FAM81A: variants seen among roughly 807,000 people sequenced by gnomAD.
The protein encoded by FAM81A is protein FAM81A.
FAM81A carries 19 observed loss-of-function variants against 46.7 expected under a neutral mutation model. That is an observed-to-expected ratio of 0.41 (90% CI 0.28 to 0.60). FAM81A has a LOEUF of 0.60. Ranked by LOEUF, FAM81A falls within the 20% of genes least tolerant of loss-of-function variation. FAM81A has a pLI of 0.34. For synonymous variants in FAM81A, 183 were observed against 152.9 expected (o/e 1.20, Z -1.45); for missense variants, 377 against 453.5 (o/e 0.83, Z 1.53).
At chr15:59,475,209 A>T (rs2081750508) in intron 3 of FAM81A, among the ~76,000 whole-genome samples, 1 of 151,282 alleles carries the variant, frequency 6.6e-6, no homozygotes, top group African/African-American at 2.4e-5. Context: ...CAGTCGTGTG[A>T]TCTCAGCTCA....
At chr15:59,442,080 C>A (rs1401638322) in intron 1 of FAM81A, among the ~76,000 whole-genome samples, 2 of 152,180 alleles carry the variant, frequency 1.3e-5, no homozygotes, top group African/African-American at 4.8e-5. Flanking sequence ...TTTCAAGGAG[C>A]AGACCTGGGA....
chr15:59,502,777 T>C (rs2082108375), intron 4 of FAM81A, among the ~76,000 whole-genome samples: 1 of 151,748 alleles, frequency 6.6e-6, no homozygotes, highest in Non-Finnish European at 1.5e-5. Flanking sequence ...CCACCTCGCC[T>C]TCCAAAGTGC....
At chr15:59,489,569 C>T (rs57391884) in intron 3 of FAM81A, among the ~76,000 whole-genome samples, 18,070 of 152,040 alleles carry the variant, frequency 0.12, 1,698 homozygotes, top group African/African-American at 0.26. Flanking sequence ...CTAAAGTTCA[C>T]ATGGAACCAC....
At chr15:59,433,263 C>A (rs141162853), upstream of FAM81A, among the ~76,000 whole-genome samples, 1 of 151,566 alleles carries the variant, frequency 6.6e-6, no homozygotes, top group Non-Finnish European at 1.5e-5. Context: ...TTTAGGATTT[C>A]TGGCCACAAA....
chr15:59,434,548 C>T (rs1011768936), upstream of FAM81A, among the ~76,000 whole-genome samples: 35 of 152,318 alleles, frequency 2.3e-4, no homozygotes, highest in African/African-American at 8.2e-4. Context: ...ACTTTCTGCC[C>T]TTGAGCCTTC....
chr15:59,430,664 C>A (rs1252340173), intron 2 of FAM81A, among the ~76,000 whole-genome samples: 1 of 152,168 alleles, frequency 6.6e-6, no homozygotes, highest in Non-Finnish European at 1.5e-5. Context: ...GACAATGTCA[C>A]TCATTGCTTT....
upstream of FAM81A, among the ~76,000 whole-genome samples, chr15:59,434,584 C>T (rs1354439895): frequency 1.3e-5 from 2 of 152,206 alleles, no homozygotes; most frequent in East Asian, 3.8e-4. Flanking sequence ...CTGACACTGT[C>T]CTCACTCTTA....
At chr15:59,440,939 C>G (rs776885911) in intron 1 of FAM81A, among the ~76,000 whole-genome samples, 1 of 152,204 alleles carries the variant, frequency 6.6e-6, no homozygotes, top group Non-Finnish European at 1.5e-5. Context: ...AGGAGGAAGT[C>G]ACAAAGACCT....
At chr15:59,494,864 C>A (rs1337665284) in intron 4 of FAM81A, among the ~76,000 whole-genome samples, 2 of 151,940 alleles carry the variant, frequency 1.3e-5, no homozygotes, top group Non-Finnish European at 2.9e-5. Flanking sequence ...AGCAAATGGG[C>A]CTTGATTTTT....
At chr15:59,430,646 C>T (rs1235989960) in intron 2 of FAM81A, among the ~76,000 whole-genome samples, 1 of 152,114 alleles carries the variant, frequency 6.6e-6, no homozygotes, top group Non-Finnish European at 1.5e-5. Context: ...AAGTAGAAAC[C>T]ACACTGTGAC....
intron 2 of FAM81A, among the ~76,000 whole-genome samples, chr15:59,418,307 A>C (rs1187080283): frequency 6.6e-6 from 1 of 152,216 alleles, no homozygotes; most frequent in African/African-American, 2.4e-5. Flanking sequence ...CAGAAAAGCT[A>C]CCTTACGTGG....
chr15:59,505,882 T>G (rs191163135), intron 4 of FAM81A, among the ~76,000 whole-genome samples: 1 of 152,330 alleles, frequency 6.6e-6, no homozygotes, highest in Non-Finnish European at 1.5e-5. Context: ...AATCCTCCAG[T>G]TTTTTTCCTA....
At chr15:59,404,115 T>G (rs1356152747) in intron 2 of FAM81A, among the ~76,000 whole-genome samples, 3 of 152,124 alleles carry the variant, frequency 2.0e-5, no homozygotes, top group African/African-American at 7.2e-5. Context: ...TCTCTTGACC[T>G]CATGATTCGC....
intron 3 of FAM81A, among the ~76,000 whole-genome samples, chr15:59,477,044 C>A (rs1280673910): frequency 6.6e-6 from 1 of 150,630 alleles, no homozygotes; most frequent in East Asian, 2.0e-4. Context: ...CACTTGAACC[C>A]AGGAGGCGGA....
chr15:59,511,691 G>T (rs546382718), intron 6 of FAM81A, among the ~76,000 whole-genome samples: 1 of 152,026 alleles, frequency 6.6e-6, no homozygotes, highest in Non-Finnish European at 1.5e-5. Context: ...TTGCTGTGTC[G>T]CCAGGCTGGA....
At chr15:59,477,182 T>C (rs28686892) in intron 3 of FAM81A, among the ~76,000 whole-genome samples, 49 of 151,958 alleles carry the variant, frequency 3.2e-4, no homozygotes, top group African/African-American at 1.2e-3. Context: ...CTCATACTTG[T>C]AGTATCAGTT....
intron 3 of FAM81A, among the ~76,000 whole-genome samples, chr15:59,477,944 T>C (rs1473759132): frequency 6.6e-6 from 1 of 152,190 alleles, no homozygotes; most frequent in Non-Finnish European, 1.5e-5. Flanking sequence ...CCAATGATCA[T>C]CATCATTATA....
At chr15:59,401,939 C>T (rs1208414959) in intron 1 of FAM81A, 14 of 740,170 alleles carry the variant, frequency 1.9e-5, no homozygotes, top group South Asian at 1.9e-4. Context: ...TTCTCTTTTT[C>T]TCATGGTAAT....
chr15:59,421,846 G>C (rs949936891), intron 2 of FAM81A, among the ~76,000 whole-genome samples: 15 of 149,892 alleles, frequency 1.0e-4, no homozygotes, highest in African/African-American at 3.5e-4. Flanking sequence ...TGTTATCCTT[G>C]GGGACAGATT....
Sources: allele counts gnomAD v4.1 joint callset (sites outside exome capture counted in the v4.1 genomes callset), GRCh38; gene constraint gnomAD v4.1.1; transcripts MANE v1.5; gene names NCBI Gene and HGNC (gene_info 2026-07-23, HGNC 2026-07-21).